Variants in ENTHD1 observed in about 807,000 individuals in gnomAD.
The protein encoded by ENTHD1 is ENTH domain-containing protein 1.
In ENTHD1, 23 loss-of-function variants were observed where a neutral mutation model predicts 39.1. The ratio of observed to expected loss-of-function variants is 0.59; its 90% CI spans 0.42 to 0.83. ENTHD1 has a LOEUF of 0.83. ENTHD1 is among the 40% of genes least tolerant of loss of function. The probability of loss-of-function intolerance (pLI) is 0.00; values close to 1 mark genes in which losing one functional copy is unlikely to be tolerated. For missense variants in ENTHD1, 624 were observed against 705.4 expected, an observed-to-expected ratio of 0.88 and a Z score of 1.31; for synonymous variants, 230 against 258.2, an observed-to-expected ratio of 0.89 and a Z score of 1.05.
chr22:39,852,402 G>A (rs552877705), intron 3 of ENTHD1, among the ~76,000 whole-genome samples: 2 of 152,120 alleles, frequency 1.3e-5, no homozygotes, highest in Non-Finnish European at 2.9e-5. Flanking sequence ...TTATTTCTGA[G>A]TAATTATATA....
chr22:39,752,320 T>C (rs1309072603), intron 6 of ENTHD1, among the ~76,000 whole-genome samples: 1 of 152,190 alleles, frequency 6.6e-6, no homozygotes, highest in Non-Finnish European at 1.5e-5. Context: ...AGGCCACATA[T>C]TGCATGATTC....
chr22:39,818,571 T>A (rs1444877978), intron 5 of ENTHD1, among the ~76,000 whole-genome samples: 2 of 152,222 alleles, frequency 1.3e-5, no homozygotes, highest in African/African-American at 4.8e-5. Flanking sequence ...GACCAGACTA[T>A]GAAAAGTACT....
chr22:39,847,034 C>G (rs2146696445), intron 3 of ENTHD1, among the ~76,000 whole-genome samples: 1 of 152,106 alleles, frequency 6.6e-6, no homozygotes. Flanking sequence ...CCCAGCCATC[C>G]CATTACTGGG....
chr22:39,780,929 G>C (rs1281340015), intron 5 of ENTHD1, among the ~76,000 whole-genome samples: 1 of 151,524 alleles, frequency 6.6e-6, no homozygotes, highest in Non-Finnish European at 1.5e-5. Context: ...AACCCAGGAG[G>C]GGGAGCTTGC....
chr22:39,821,403 C>T (rs1425704778), intron 4 of ENTHD1, among the ~76,000 whole-genome samples: 1 of 152,182 alleles, frequency 6.6e-6, no homozygotes, highest in Non-Finnish European at 1.5e-5. Flanking sequence ...CATACTATCT[C>T]AGAGGCCAAT....
chr22:39,782,273 A>T (rs532576151), intron 5 of ENTHD1, among the ~76,000 whole-genome samples: 2 of 152,182 alleles, frequency 1.3e-5, no homozygotes, highest in Non-Finnish European at 1.5e-5. Context: ...GGCAACAGAG[A>T]GAGACTCTGT....
At chr22:39,827,463 C>T (rs1315499867) in intron 4 of ENTHD1, among the ~76,000 whole-genome samples, 3 of 152,076 alleles carry the variant, frequency 2.0e-5, no homozygotes, top group Non-Finnish European at 4.4e-5. Flanking sequence ...GGCTAATTCT[C>T]TAATACACAA....
At chr22:39,841,076 T>C (rs954827087) in intron 3 of ENTHD1, among the ~76,000 whole-genome samples, 3 of 151,932 alleles carry the variant, frequency 2.0e-5, no homozygotes, top group Non-Finnish European at 2.9e-5. Flanking sequence ...ATTTGTCATA[T>C]TTTTTTTAAC....
At chr22:39,862,150 T>G in intron 2 of ENTHD1, 143 bp from the exon 3 acceptor site, 1 of 510,404 alleles carries the variant, frequency 2.0e-6, no homozygotes, top group Middle Eastern at 5.5e-4. Context: ...GATAAGTATA[T>G]TCCTTTTCTT....
At chr22:39,794,739 G>A (rs1306436932) in intron 5 of ENTHD1, among the ~76,000 whole-genome samples, 1 of 151,500 alleles carries the variant, frequency 6.6e-6, no homozygotes, top group Non-Finnish European at 1.5e-5. Context: ...GGGAGGCAGA[G>A]CTTGCAGTGA....
At chr22:39,848,488 A>C (rs1359712231) in intron 3 of ENTHD1, among the ~76,000 whole-genome samples, 1 of 151,988 alleles carries the variant, frequency 6.6e-6, no homozygotes, top group African/African-American at 2.4e-5. Flanking sequence ...TCCTGACCTC[A>C]TGATCCACCT....
chr22:39,858,669 T>C (rs1172942379), intron 3 of ENTHD1, among the ~76,000 whole-genome samples: 1 of 152,248 alleles, frequency 6.6e-6, no homozygotes, highest in Non-Finnish European at 1.5e-5. Flanking sequence ...ATAAACACTG[T>C]GTTTTAGCAG....
chr22:39,891,475 CT>C (rs58033623), intron 1 of ENTHD1, among the ~76,000 whole-genome samples: 2,997 of 142,540 alleles, frequency 0.021, 43 homozygotes, highest in African/African-American at 0.041. Flanking sequence ...ATTATAATCA[CT>C]TTTTTTTTTT....
chr22:39,860,266 A>G (rs563192085), intron 3 of ENTHD1, among the ~76,000 whole-genome samples: 53 of 152,362 alleles, frequency 3.5e-4, no homozygotes, highest in African/African-American at 1.2e-3. Flanking sequence ...AAAGAAAGGA[A>G]GAAGGAAGAG....
chr22:39,821,205 T>G, intron 4 of ENTHD1, 92 bp from the exon 5 acceptor site: 2 of 1,411,712 alleles, frequency 1.4e-6, no homozygotes, highest in Non-Finnish European at 1.9e-6. Context: ...CTAAATGTGC[T>G]AACATCATCA....
intron 3 of ENTHD1, among the ~76,000 whole-genome samples, chr22:39,852,599 G>A (rs2066051577): frequency 6.6e-6 from 1 of 152,112 alleles, no homozygotes; most frequent in Admixed American, 6.5e-5. Context: ...CTATACACCT[G>A]GGCTATATGG....
At chr22:39,863,214 G>T (rs1289440598) in intron 2 of ENTHD1, among the ~76,000 whole-genome samples, 1 of 152,038 alleles carries the variant, frequency 6.6e-6, no homozygotes, top group Non-Finnish European at 1.5e-5. Flanking sequence ...CAAGAATATA[G>T]GAAGGCAGGC....
chr22:39,890,317 G>T (rs1301246182), intron 1 of ENTHD1, among the ~76,000 whole-genome samples: 1 of 151,710 alleles, frequency 6.6e-6, no homozygotes, highest in East Asian at 1.9e-4. Context: ...GTGAAAAACT[G>T]ATTTATAATA....
intron 5 of ENTHD1, among the ~76,000 whole-genome samples, chr22:39,811,667 T>C (rs907646744): frequency 1.3e-5 from 2 of 152,124 alleles, no homozygotes; most frequent in Non-Finnish European, 2.9e-5. Context: ...GCAGTAGCAT[T>C]CCACTGTCAA....
Sources: gnomAD v4.1 joint callset for allele counts (sites outside exome capture counted in the v4.1 genomes callset) on GRCh38, gnomAD v4.1.1 for gene constraint, MANE v1.5 for transcripts, NCBI Gene and HGNC (gene_info 2026-07-23, HGNC 2026-07-21) for gene names.